Variants in SYT16 observed in about 807,000 individuals in gnomAD.
SYT16 encodes synaptotagmin-16.
In SYT16, 42 loss-of-function variants were observed where a neutral mutation model predicts 61.4. The observed-to-expected ratio is 0.68, with a 90% CI of 0.53 to 0.89. The LOEUF (loss-of-function observed/expected upper bound fraction) is 0.89, where lower values mean the gene tolerates loss of function less well. SYT16 is among the 40% of genes least tolerant of loss of function. SYT16 has a pLI of 0.00. For synonymous variants in SYT16, 314 were observed against 302.3 expected (o/e 1.04, Z -0.40); for missense variants, 804 against 807.3 (o/e 1.00, Z 0.05).
chr14:61,856,464 C>A (rs188202540), intron 1 of SYT16, among the ~76,000 whole-genome samples: 1 of 152,226 alleles, frequency 6.6e-6, no homozygotes, highest in East Asian at 1.9e-4. Context: ...ATAGAACAGA[C>A]AGGATTTGCA....
At chr14:62,098,914 A>G (rs1595411629) in intron 7 of SYT16, among the ~76,000 whole-genome samples, 1 of 152,318 alleles carries the variant, frequency 6.6e-6, no homozygotes, top group East Asian at 1.9e-4. Context: ...TCCAGATTGA[A>G]CTTAATGAAC....
chr14:62,050,993 A>C (rs1336096568), intron 3 of SYT16, among the ~76,000 whole-genome samples: 1 of 152,204 alleles, frequency 6.6e-6, no homozygotes, highest in East Asian at 1.9e-4. Flanking sequence ...TACTCTCTTC[A>C]AAACTGTCAG....
At chr14:61,813,191 G>T (rs980096024) in intron 1 of SYT16, among the ~76,000 whole-genome samples, 1 of 152,266 alleles carries the variant, frequency 6.6e-6, no homozygotes, top group Admixed American at 6.5e-5. Flanking sequence ...CGAGTTCTGG[G>T]TCGGGTTTGT....
chr14:62,063,778 A>G (rs1352621648), intron 3 of SYT16, among the ~76,000 whole-genome samples: 1 of 152,226 alleles, frequency 6.6e-6, no homozygotes, highest in African/African-American at 2.4e-5. Flanking sequence ...TTGATAGGTC[A>G]TTTTTGGATA....
At chr14:61,854,939 T>A (rs2046730077) in intron 1 of SYT16, among the ~76,000 whole-genome samples, 1 of 152,108 alleles carries the variant, frequency 6.6e-6, no homozygotes, top group Non-Finnish European at 1.5e-5. Flanking sequence ...ACTTGTGGGA[T>A]CTTTCTTTTG....
At position 61,978,040 on chromosome 14, in the gene SYT16, G is replaced by A. The variant is rs2051893663; in HGVS notation, c.-145+7729G>A. ...CTGTATCATTCCAATCTCTGCCTCT[G>A]TCTTCACCTCACCTTCTTCTCTGTG... is the stretch of plus-strand genomic sequence containing the variant. On this transcript the variant is annotated intron_variant, in intron 2 of 7. Transcript: ENST00000683842. Among the ~76,000 whole-genome samples, 2 of 152,134 alleles carry A rather than the reference G, an allele frequency of 1.3e-5. 1 individual carries two copies. The highest frequency in any genetic ancestry group is 4.1e-4 in the South Asian group (2 of 4,822).
intron 1 of SYT16, among the ~76,000 whole-genome samples, chr14:61,842,891 A>G (rs1223165002): frequency 2.0e-5 from 3 of 152,036 alleles, no homozygotes; most frequent in Non-Finnish European, 4.4e-5. Flanking sequence ...AAACCTGCAC[A>G]TTGTGCACAT....
At chr14:62,002,208 T>G (rs889684053) in intron 3 of SYT16, among the ~76,000 whole-genome samples, 4 of 152,122 alleles carry the variant, frequency 2.6e-5, no homozygotes, top group African/African-American at 9.7e-5. Context: ...GCAAATCTTT[T>G]CTAATGCAGG....
chr14:62,107,672 A>G lies in SYT16; in HGVS notation c.*6965A>G, dbSNP rs1224173270. On this transcript the variant is annotated 3_prime_UTR_variant, in exon 8 of 8. Coordinates refer to ENST00000683842, the MANE Select transcript of SYT16 (RefSeq NM_001367656.1). ...TTGTCTCTTTCCCCCTTTGAAAGGC[A>G]GAAGATTTAGGGAAGGTGAAAGTTA... 1.3e-5 allele frequency: 2 copies of G among 152,196 alleles called. No homozygotes were observed. The highest frequency in any genetic ancestry group is 2.9e-5 in the Non-Finnish European group (2 of 68,034). 9.4% of individuals were successfully genotyped at this position (152,196 alleles called of 1,614,324 possible). A position where few individuals can be genotyped will look rare whatever the true frequency, so the allele number is the denominator to read the frequency against.
chr14:62,086,456 G>C (rs1216657790), intron 7 of SYT16, among the ~76,000 whole-genome samples: 2 of 152,046 alleles, frequency 1.3e-5, no homozygotes, highest in Non-Finnish European at 2.9e-5. Context: ...CTCCAGCCTG[G>C]GTGACAGAAT....
rs528354133 is a variant in SYT16, at chr14:62,083,655, C to T, written c.1435-541C>T. ...TTTCTTTAAAAGGCAAAATTTGGCACCTGGCATATATTTAACAACCTTAAG... is the reference window on the plus strand; with the variant it reads ...TTTCTTTAAAAGGCAAAATTTGGCATCTGGCATATATTTAACAACCTTAAG... On this transcript the variant is annotated intron_variant, in intron 6 of 7. Coordinates refer to ENST00000683842, the MANE Select transcript of SYT16 (RefSeq NM_001367656.1). Among the ~76,000 whole-genome samples the T allele has an allele frequency of 3.3e-5, 5 of 152,252 alleles. No homozygotes were observed. The South Asian group carries it at 1.0e-3, about 32-fold the overall frequency.
intron 3 of SYT16, among the ~76,000 whole-genome samples, chr14:62,053,605 T>C (rs999390744): frequency 1.3e-5 from 2 of 152,234 alleles, no homozygotes; most frequent in African/African-American, 2.4e-5. Flanking sequence ...CTTTGTTCAT[T>C]CACTATTGAA....
At chr14:61,864,603 G>T (rs2047075123) in intron 1 of SYT16, among the ~76,000 whole-genome samples, 1 of 152,272 alleles carries the variant, frequency 6.6e-6, no homozygotes. Context: ...GGCCGCTTCG[G>T]CCGCCGCCTC....
intron 1 of SYT16, among the ~76,000 whole-genome samples, chr14:61,911,209 T>C (rs1490518511): frequency 2.0e-5 from 3 of 152,178 alleles, no homozygotes; most frequent in Non-Finnish European, 4.4e-5. Context: ...CCTGAAATGG[T>C]TGCAGAGGTT....
chr14:62,059,777 T>TAC (rs34498170), intron 3 of SYT16, among the ~76,000 whole-genome samples: 5,232 of 146,766 alleles, frequency 0.036, 148 homozygotes, highest in Middle Eastern at 0.07. Context: ...TGTATACACA[T>TAC]ACACACACAC....
chr14:61,865,357 CAG>C, intron 1 of SYT16: 2 of 660,560 alleles, frequency 3.0e-6, no homozygotes, highest in South Asian at 1.5e-5. Flanking sequence ...GAAAGGGAAA[CAG>C]GGCACACAAG....
Position 62,111,836 on chromosome 14 carries a change from AGAACATTCCATGT to A in SYT16, c.*11131_*11143del, listed in dbSNP as rs2057614352. 6.6e-6 allele frequency: 1 copy of A among 152,130 alleles called. No individual in the cohort carries two copies. The allele number at this position is 152,130 out of a possible 1,614,324, so 9.4% of individuals were successfully genotyped here. Reference sequence around the variant, plus strand: ...ACTTTAGAAACTTCTGACAATCTTCAGAACATTCCATGTGGGTGTCCTTGTGTTTCTCATAGTA... The same window carrying A: ...ACTTTAGAAACTTCTGACAATCTTCAGGGTGTCCTTGTGTTTCTCATAGTA... On this transcript the variant is annotated 3_prime_UTR_variant, in exon 8 of 8. Transcript: ENST00000683842.
At chr14:62,012,048 T>C (rs1001785951) in intron 3 of SYT16, among the ~76,000 whole-genome samples, 1 of 150,834 alleles carries the variant, frequency 6.6e-6, no homozygotes, top group Non-Finnish European at 1.5e-5. Context: ...AGTGTAACCA[T>C]ATAGGATCTG....
chr14:62,058,034 C>T (rs1454124173), intron 3 of SYT16, among the ~76,000 whole-genome samples: 1 of 152,104 alleles, frequency 6.6e-6, no homozygotes, highest in East Asian at 1.9e-4. Flanking sequence ...TTATATAATG[C>T]ACATTCTTTT....
Sources: gnomAD v4.1 joint callset for allele counts (sites outside exome capture counted in the v4.1 genomes callset) on GRCh38, gnomAD v4.1.1 for gene constraint, MANE v1.5 for transcripts, NCBI Gene and HGNC (gene_info 2026-07-23, HGNC 2026-07-21) for gene names.